Variants in PRKCI observed in about 807,000 individuals in gnomAD.
PRKCI encodes protein kinase C iota type.
A neutral mutation model predicts 84.0 loss-of-function variants in PRKCI; 43 were observed. The observed-to-expected ratio is 0.51, with a 90% confidence interval of 0.40 to 0.66. The LOEUF (loss-of-function observed/expected upper bound fraction) is 0.66. Ranked by LOEUF, PRKCI falls within the 30% of genes least tolerant of loss-of-function variation. PRKCI has a pLI of 0.00. For missense variants in PRKCI, 459 were observed against 745.6 expected, an observed-to-expected ratio of 0.62 and a Z score of 4.48; for synonymous variants, 216 against 234.4, an observed-to-expected ratio of 0.92 and a Z score of 0.72.
intron 12 of PRKCI, chr3:170,291,555 G>A (rs549029640): frequency 1.0e-4 from 25 of 245,556 alleles, no homozygotes; most frequent in African/African-American, 5.1e-4. Context: ...AAATTAGCTG[G>A]GTGTGTTGGT....
At chr3:170,288,268 T>C (rs1357942645) in intron 12 of PRKCI, among the ~76,000 whole-genome samples, 1 of 151,862 alleles carries the variant, frequency 6.6e-6, no homozygotes, top group Non-Finnish European at 1.5e-5. Flanking sequence ...AGGACTTTTC[T>C]CTTTTTGTCT....
chr3:170,234,827 A>C (rs1163254073), intron 1 of PRKCI, among the ~76,000 whole-genome samples: 1 of 152,060 alleles, frequency 6.6e-6, no homozygotes, highest in Non-Finnish European at 1.5e-5. Flanking sequence ...TTTTTTTGAC[A>C]CAGTCTCCTC....
intron 3 of PRKCI, 23 bp from the exon 4 acceptor site, chr3:170,263,356 C>G (rs1215971452): frequency 3.8e-6 from 6 of 1,578,928 alleles, no homozygotes; most frequent in Admixed American, 1.7e-5. Flanking sequence ...GCTGTTAACT[C>G]ATGTTCGTTT....
intron 17 of PRKCI, 84 bp from the exon 18 acceptor site, chr3:170,302,956 A>C: frequency 1.1e-6 from 1 of 930,636 alleles, no homozygotes; most frequent in Non-Finnish European, 1.6e-6. Flanking sequence ...TAGCCTAATT[A>C]CTTGATTTTT....
At chr3:170,250,518 T>C (rs1733417952) in intron 2 of PRKCI, among the ~76,000 whole-genome samples, 1 of 132,992 alleles carries the variant, frequency 7.5e-6, no homozygotes, top group Non-Finnish European at 1.5e-5. Context: ...GCCCCAGACC[T>C]AGACAACCAC....
In PRKCI at chr3:170,267,925, C is replaced by T. The variant is rs1226524296; in HGVS notation, c.375C>T (p.Tyr125=). The T allele has an allele frequency of 6.2e-7, 1 of 1,609,632 alleles. No individual in the cohort carries two copies. Among genetic ancestry groups the T allele is most frequent in the Admixed American group, 1.7e-5 (1 of 59,832 alleles). The part of the protein sequence containing the change: ...MPCPGEDKSI[Y]RRGARRWRKL... ...TTACTCTGTCTTCAGAATCCATCTA[C>T]CGTAGAGGTGCACGCCGCTGGAGAA... Residue 125 remains tyrosine, a synonymous_variant, in exon 5 of 18, where the codon TAC becomes TAT. Transcript: ENST00000295797.
chr3:170,270,989 A>C (rs1733988685), intron 6 of PRKCI, among the ~76,000 whole-genome samples: 1 of 151,474 alleles, frequency 6.6e-6, no homozygotes, highest in Admixed American at 6.6e-5. Flanking sequence ...AAAGCATTTA[A>C]AATTTTTATT....
chr3:170,269,986 G>A (rs1204231823), intron 5 of PRKCI, among the ~76,000 whole-genome samples: 2 of 151,768 alleles, frequency 1.3e-5, no homozygotes, highest in Admixed American at 6.6e-5. Context: ...AAAAGAAGAA[G>A]AAGGCGGCTT....
chr3:170,298,094 A>T (rs917724751), intron 16 of PRKCI, among the ~76,000 whole-genome samples: 7 of 151,610 alleles, frequency 4.6e-5, no homozygotes, highest in African/African-American at 1.7e-4. Context: ...GCTGGTCTTG[A>T]ACTCTTGACC....
intron 1 of PRKCI, among the ~76,000 whole-genome samples, chr3:170,230,858 A>G (rs74884565): frequency 0.021 from 3,210 of 151,608 alleles, 62 homozygotes; most frequent in East Asian, 0.1. Context: ...TAGGGGAGAG[A>G]TCTATTTTTG....
rs1474261829 is a variant in PRKCI, at chr3:170,305,808, G to T, written c.*2681G>T. 6.6e-6 allele frequency: 1 copy of T among 152,130 alleles called. No homozygotes were observed. Among genetic ancestry groups the T allele is most frequent in the Non-Finnish European group, 1.5e-5 (1 of 68,026 alleles). The allele number at this position is 152,130 out of a possible 1,614,324, so 9.4% of individuals were successfully genotyped here. A position where few individuals can be genotyped will look rare whatever the true frequency, so the allele number is the denominator to read the frequency against. On this transcript the variant is annotated 3_prime_UTR_variant, in exon 18 of 18. Transcript: ENST00000295797. ...GGTCAGATCATTTTGTGCATATGCAGCCTGGATTGGATGTTAAGTAAATGC... is the reference window on the plus strand; with the variant it reads ...GGTCAGATCATTTTGTGCATATGCATCCTGGATTGGATGTTAAGTAAATGC...
At chr3:170,227,703 CAG>C (rs1356374828) in intron 1 of PRKCI, among the ~76,000 whole-genome samples, 3 of 152,192 alleles carry the variant, frequency 2.0e-5, no homozygotes. Context: ...AGAAAGTTCA[CAG>C]GGGCTAGATT....
intron 2 of PRKCI, among the ~76,000 whole-genome samples, chr3:170,241,299 T>C (rs1204135511): frequency 1.3e-5 from 2 of 152,228 alleles, no homozygotes; most frequent in East Asian, 3.8e-4. Context: ...TACTCCTGTC[T>C]AACCACAACC....
At chr3:170,297,753 G>T (rs1012626418) in intron 16 of PRKCI, among the ~76,000 whole-genome samples, 2 of 151,676 alleles carry the variant, frequency 1.3e-5, no homozygotes, top group African/African-American at 4.9e-5. Context: ...ACCACACCCG[G>T]CCTATCTCGG....
intron 1 of PRKCI, among the ~76,000 whole-genome samples, chr3:170,227,592 T>C (rs1039255457): frequency 6.6e-6 from 1 of 152,152 alleles, no homozygotes; most frequent in Non-Finnish European, 1.5e-5. Flanking sequence ...AACAACCACA[T>C]GGTAAGTTTG....
chr3:170,297,311 A>G lies in PRKCI; in HGVS notation c.1505A>G (p.Lys502Arg). 1.2e-6 allele frequency: 2 copies of G among 1,612,636 alleles called. No individual in the cohort carries two copies. The highest frequency in any genetic ancestry group is 1.7e-6 in the Non-Finnish European group (2 of 1,178,700). The change falls in exon 16 of 18, where the codon AAG (lysine) becomes AGG (arginine). Residue 502 changes from lysine to arginine, a missense_variant. By Grantham distance (26) the Lys-to-Arg change is conservative. Transcript: ENST00000295797. ...VLKSFLNKDPKERLGCHPQTG... is the reference protein window; with the variant it reads ...VLKSFLNKDPRERLGCHPQTG... Reference sequence around the variant, plus strand: ...ACATTTCTTTCACCATAGGACCCTAAGGAACGATTGGGTTGTCATCCTCAA... The same window carrying G: ...ACATTTCTTTCACCATAGGACCCTAGGGAACGATTGGGTTGTCATCCTCAA...
chr3:170,298,279 G>A (rs73036345), intron 16 of PRKCI, among the ~76,000 whole-genome samples: 2,528 of 152,044 alleles, frequency 0.017, 80 homozygotes, highest in African/African-American at 0.058. Flanking sequence ...TCAGTCCGTT[G>A]CCCAGGCTGT....
At chr3:170,291,246 A>C (rs1369296016) in intron 12 of PRKCI, among the ~76,000 whole-genome samples, 1 of 152,214 alleles carries the variant, frequency 6.6e-6, no homozygotes, top group Non-Finnish European at 1.5e-5. Flanking sequence ...TTCATGAAAT[A>C]TGCCTTATTC....
intron 2 of PRKCI, among the ~76,000 whole-genome samples, chr3:170,246,468 A>T (rs1050680605): frequency 4.0e-5 from 6 of 151,556 alleles, no homozygotes; most frequent in Middle Eastern, 3.2e-3. Context: ...TTTTTATTTT[A>T]TTTTTTGTAG....
Sources: gnomAD v4.1 joint callset for allele counts (sites outside exome capture counted in the v4.1 genomes callset) on GRCh38, gnomAD v4.1.1 for gene constraint, MANE v1.5 for transcripts, NCBI Gene and HGNC (gene_info 2026-07-23, HGNC 2026-07-21) for gene names.